The following PCDHGB7 variants were observed in gnomAD, a reference collection of about 807,000 sequenced individuals.
The protein encoded by PCDHGB7 is protocadherin gamma subfamily B, 7.
PCDHGB7 carries 37 observed loss-of-function variants against 61.4 expected under a neutral mutation model. The observed-to-expected ratio is 0.60, with a 90% CI of 0.46 to 0.79. PCDHGB7 has a LOEUF of 0.79. Ranked by LOEUF, PCDHGB7 falls within the 30% of genes least tolerant of loss-of-function variation. The pLI, the probability that PCDHGB7 is intolerant of heterozygous loss-of-function variation, is 0.00. For missense variants in PCDHGB7, 1,166 were observed against 1,202.5 expected (o/e 0.97, Z 0.45); for synonymous variants, 464 against 503.5 (o/e 0.92, Z 1.05).
intron 1 of PCDHGB7, chr5:141,478,633 T>C: frequency 6.4e-7 from 1 of 1,553,032 alleles, no homozygotes; most frequent in Non-Finnish European, 8.7e-7. Context: ...GTTTTTTTAG[T>C]GATGAAGATG....
In PCDHGB7 at chr5:141,432,513, G is replaced by T. The variant is rs755227021; in HGVS notation, c.2415+12239G>T. On this transcript the variant is annotated intron_variant, in intron 1 of 3. Coordinates refer to ENST00000398594, the MANE Select transcript of PCDHGB7 (RefSeq NM_018927.4). The surrounding 1 kb of genome is among the most constrained non-coding windows in gnomAD (Gnocchi z 6.0). ...CTGGCTCCCCGCTCCGCAGAGCCCG[G>T]CTACCTGGTGACCAAGGTGGTGGCG... The T allele has an allele frequency of 3.1e-6, 5 of 1,614,102 alleles. No individual in the cohort carries two copies. Among genetic ancestry groups the T allele is most frequent in the African/African-American group, 2.7e-5 (2 of 75,062 alleles).
chr5:141,419,030 C>G lies in PCDHGB7; in HGVS notation c.1171C>G (p.Pro391Ala), dbSNP rs1178461733. 5.0e-6 allele frequency: 8 copies of G among 1,613,768 alleles called. No homozygotes were observed. Among genetic ancestry groups the G allele is most frequent in the Non-Finnish European group, 6.8e-6 (8 of 1,179,838 alleles). The change falls in exon 1 of 4, where the codon CCA (proline) becomes GCA (alanine). Residue 391 changes from proline to alanine, a missense_variant. Transcript: ENST00000398594. ...CAGGTGTAGCTTAAGTAGAGGTGTT[C>G]CATTTAAGATTCATTCTTCTTCTAA... is the stretch of plus-strand genomic sequence containing the variant. ...EVRCSLSRGV[P>A]FKIHSSSNNY...
In PCDHGB7 at chr5:141,512,839, C is replaced by T. The variant is rs141207714; in HGVS notation, c.*1666C>T. ...GACCCCCTCCCCCGTACTGACTTCTCCTATAAGCGCTTCTCTTCGCATAGT... is the reference window on the plus strand; with the variant it reads ...GACCCCCTCCCCCGTACTGACTTCTTCTATAAGCGCTTCTCTTCGCATAGT... On this transcript the variant is annotated 3_prime_UTR_variant, in exon 4 of 4. Transcript: ENST00000398594. 278 of 152,216 alleles carry T rather than the reference C, an allele frequency of 1.8e-3. 2 individuals are homozygous for T. Among genetic ancestry groups the T allele is most frequent in the Middle Eastern group, 0.01 (3 of 292 alleles). 9.4% of individuals were successfully genotyped at this position (152,216 alleles called of 1,614,324 possible). A position where few individuals can be genotyped will look rare whatever the true frequency, so the allele number is the denominator to read the frequency against.
chr5:141,497,540 C>CA (rs1491509812), intron 2 of PCDHGB7, among the ~76,000 whole-genome samples: 7 of 134,922 alleles, frequency 5.2e-5, no homozygotes, highest in Admixed American at 1.5e-4. Flanking sequence ...TGCAACAAAC[C>CA]TTTTTTTTTT....
At chr5:141,504,995 G>A (rs1214858212) in intron 2 of PCDHGB7, among the ~76,000 whole-genome samples, 6 of 151,980 alleles carry the variant, frequency 3.9e-5, no homozygotes, top group African/African-American at 1.5e-4. Context: ...AACCCCGTCT[G>A]TACTAAAAAT....
intron 2 of PCDHGB7, among the ~76,000 whole-genome samples, chr5:141,501,049 A>G (rs1458722311): frequency 1.3e-5 from 2 of 151,844 alleles, no homozygotes; most frequent in African/African-American, 2.4e-5. Flanking sequence ...TTGTATTTTT[A>G]GTAGAGACGG....
In PCDHGB7 at chr5:141,489,307, T is replaced by A; in HGVS notation, c.2416-5500T>A. On this transcript the variant is annotated intron_variant, in intron 1 of 3. Transcript: ENST00000398594. The surrounding 1 kb of genome is among the most constrained non-coding windows in gnomAD (Gnocchi z 4.5). ...AGTGCTGTGCATGTTGTCCTTGTGCTGCTGGGGCTGGGTGTCTGGGCAGCT... is the reference window on the plus strand; with the variant it reads ...AGTGCTGTGCATGTTGTCCTTGTGCAGCTGGGGCTGGGTGTCTGGGCAGCT... The A allele has an allele frequency of 6.3e-7, 1 of 1,591,138 alleles. No individual in the cohort carries two copies. The highest frequency in any genetic ancestry group is 8.6e-7 in the Non-Finnish European group (1 of 1,168,222).
chr5:141,447,056 G>A (rs1452688256), intron 1 of PCDHGB7, among the ~76,000 whole-genome samples: 1 of 152,058 alleles, frequency 6.6e-6, no homozygotes, highest in Non-Finnish European at 1.5e-5. Flanking sequence ...CTATTAAAAT[G>A]TGTCAGGCTG....
chr5:141,445,814 TA>T (rs1554133713), intron 1 of PCDHGB7, among the ~76,000 whole-genome samples: 1 of 152,182 alleles, frequency 6.6e-6, no homozygotes, highest in Non-Finnish European at 1.5e-5. Context: ...TAGATGAAAC[TA>T]ATAAGGCAGG....
Position 141,491,815 on chromosome 5 carries a change from C to T in PCDHGB7, c.2416-2992C>T. The T allele has an allele frequency of 6.7e-7, 1 of 1,485,264 alleles. No individual in the cohort carries two copies. Among genetic ancestry groups the T allele is most frequent in the African/African-American group, 1.4e-5 (1 of 70,622 alleles). The allele number at this position is 1,485,264 out of a possible 1,614,324, so 92.0% of individuals were successfully genotyped here. ...CCTCTCCGGCCGGCTTGGTCGCTGGCTGCGCTCCACCCGATTCTCGGGATC... is the reference window on the plus strand; with the variant it reads ...CCTCTCCGGCCGGCTTGGTCGCTGGTTGCGCTCCACCCGATTCTCGGGATC... On this transcript the variant is annotated intron_variant, in intron 1 of 3. Coordinates refer to ENST00000398594, the MANE Select transcript of PCDHGB7 (RefSeq NM_018927.4). This position sits in a 1 kb window ranked among gnomAD's most constrained non-coding sequence, Gnocchi z 6.9.
intron 1 of PCDHGB7, among the ~76,000 whole-genome samples, chr5:141,484,752 A>G (rs181317421): frequency 6.6e-5 from 10 of 151,098 alleles, no homozygotes; most frequent in Admixed American, 3.3e-4. Context: ...AAAAAAATGT[A>G]TATATATATA....
intron 1 of PCDHGB7, among the ~76,000 whole-genome samples, chr5:141,467,332 C>T (rs985838492): frequency 6.6e-6 from 1 of 152,124 alleles, no homozygotes; most frequent in Non-Finnish European, 1.5e-5. Context: ...GGATTAGAGA[C>T]GTAAGCCACT....
intron 1 of PCDHGB7, among the ~76,000 whole-genome samples, chr5:141,473,871 T>A (rs2099330260): frequency 1.3e-5 from 2 of 152,190 alleles, no homozygotes; most frequent in Admixed American, 6.5e-5. Context: ...TTGTGGAGAA[T>A]GCATACACAA....
intron 3 of PCDHGB7, among the ~76,000 whole-genome samples, chr5:141,506,402 G>C (rs1032556978): frequency 7.0e-6 from 1 of 143,732 alleles, no homozygotes; most frequent in African/African-American, 2.6e-5. Context: ...GCAGAAAATC[G>C]CACCACTGCA....
chr5:141,445,608 C>T (rs2098472204), intron 1 of PCDHGB7, among the ~76,000 whole-genome samples: 1 of 152,108 alleles, frequency 6.6e-6, no homozygotes, highest in South Asian at 2.1e-4. Context: ...TCAAGGAAGG[C>T]TTTCTTTTTT....
In PCDHGB7 at chr5:141,485,115, G is replaced by T. The variant is rs1043877839; in HGVS notation, c.2416-9692G>T. On this transcript the variant is annotated intron_variant, in intron 1 of 3. Transcript: ENST00000398594. This position sits in a 1 kb window ranked among gnomAD's most constrained non-coding sequence, Gnocchi z 5.7. ...GTGTCTCCAGCTGCTGTGGCTGTTT[G>T]GGGCGGGTCGGCTTCATCCGCGTCT... The T allele has an allele frequency of 3.8e-6, 5 of 1,300,464 alleles. No homozygotes were observed. The African/African-American group carries it at 5.8e-5, about 15-fold the overall frequency. The allele number at this position is 1,300,464 out of a possible 1,614,324, so 80.6% of individuals were successfully genotyped here.
Position 141,476,231 on chromosome 5 carries a change from G to A in PCDHGB7, c.2416-18576G>A. The A allele has an allele frequency of 6.2e-7, 1 of 1,614,084 alleles. No individual in the cohort carries two copies. Among genetic ancestry groups the A allele is most frequent in the Non-Finnish European group, 8.5e-7 (1 of 1,180,034 alleles). On this transcript the variant is annotated intron_variant, in intron 1 of 3. Coordinates refer to ENST00000398594, the MANE Select transcript of PCDHGB7 (RefSeq NM_018927.4). The surrounding 1 kb of genome is among the most constrained non-coding windows in gnomAD (Gnocchi z 7.6). ...CACGGTCATTCACTATGAGATCCCG[G>A]AGGAAAGAGAGAAGGGTTTCGCTGT...
rs532490777 is a variant in PCDHGB7, at chr5:141,487,782, T to C, written c.2416-7025T>C. 7.2e-6 allele frequency: 11 copies of C among 1,525,744 alleles called. No homozygotes were observed. The South Asian group carries it at 1.2e-4, about 17-fold the overall frequency. The allele number at this position is 1,525,744 out of a possible 1,614,324, so 94.5% of individuals were successfully genotyped here. ...GACGCTGTGCTTTGTAACTGTTTCGTGAATTAACCAGAGTTGTCACAGTTT... is the reference window on the plus strand; with the variant it reads ...GACGCTGTGCTTTGTAACTGTTTCGCGAATTAACCAGAGTTGTCACAGTTT... On this transcript the variant is annotated intron_variant, in intron 1 of 3. Coordinates refer to ENST00000398594, the MANE Select transcript of PCDHGB7 (RefSeq NM_018927.4). This position sits in a 1 kb window ranked among gnomAD's most constrained non-coding sequence, Gnocchi z 5.0.
chr5:141,435,059 G>A (rs2097741198), intron 1 of PCDHGB7, among the ~76,000 whole-genome samples: 1 of 152,042 alleles, frequency 6.6e-6, no homozygotes, highest in Non-Finnish European at 1.5e-5. Context: ...CCATGCAGCA[G>A]TTTTGTGTAG....
Sources: allele counts gnomAD v4.1 joint callset (sites outside exome capture counted in the v4.1 genomes callset), GRCh38; gene constraint gnomAD v4.1.1; non-coding constraint Gnocchi (gnomAD v3.1); transcripts MANE v1.5; gene names NCBI Gene and HGNC (gene_info 2026-07-23, HGNC 2026-07-21).